Variants in IL22RA2 observed in about 807,000 individuals in gnomAD.
IL22RA2 encodes interleukin 22 receptor subunit alpha 2, also known as interleukin-22 receptor subunit alpha-2.
IL22RA2 carries 39 observed loss-of-function variants against 30.7 expected under a neutral mutation model. That is an observed-to-expected ratio of 1.27 (90% CI 0.98 to 1.66). The LOEUF is 1.66. Among genes scored for constraint, IL22RA2 ranks in the 40% most tolerant of loss-of-function variants. The probability of loss-of-function intolerance (pLI) is 0.00; values close to 1 mark genes in which losing one functional copy is unlikely to be tolerated. For missense variants in IL22RA2, 315 were observed against 312.7 expected (o/e 1.01, Z -0.05); for synonymous variants, 103 against 105.0 (o/e 0.98, Z 0.11).
At chr6:137,161,918 G>A (rs943360984) in intron 1 of IL22RA2, 104 bp from the exon 2 acceptor site, 1 of 465,126 alleles carries the variant, frequency 2.1e-6, no homozygotes, top group Non-Finnish European at 3.9e-6. Flanking sequence ...TTTTATTTTA[G>A]GAAAAATATG....
chr6:137,152,869 T>C (rs1411146324), intron 5 of IL22RA2, among the ~76,000 whole-genome samples: 1 of 152,076 alleles, frequency 6.6e-6, no homozygotes, highest in African/African-American at 2.4e-5. Flanking sequence ...CTTACCAAAG[T>C]TGGTCTGACC....
chr6:137,146,484 C>T (rs1468113762), intron 6 of IL22RA2, among the ~76,000 whole-genome samples: 1 of 152,176 alleles, frequency 6.6e-6, no homozygotes, highest in Non-Finnish European at 1.5e-5. Context: ...CCTTCCCAGT[C>T]ACCACTAAGG....
intron 3 of IL22RA2, 50 bp downstream of exon 3, chr6:137,158,297 T>C (rs1778450783): frequency 4.4e-6 from 7 of 1,606,804 alleles, no homozygotes; most frequent in Admixed American, 1.7e-5. Flanking sequence ...TTCTAGAACA[T>C]GTTATCCCAG....
At chr6:137,165,658 A>G (rs1292250465) in intron 1 of IL22RA2, among the ~76,000 whole-genome samples, 3 of 152,202 alleles carry the variant, frequency 2.0e-5, no homozygotes, top group Non-Finnish European at 4.4e-5. Context: ...ATGCAAGCAG[A>G]TGGGACACTA....
chr6:137,167,683 G>A lies in IL22RA2; in HGVS notation c.-66+5730C>T, dbSNP rs1041158855. 9.2e-5 allele frequency among the ~76,000 whole-genome samples: 14 copies of A among 152,234 alleles called. No homozygotes were observed. In the East Asian group the frequency reaches 9.6e-4, roughly 10 times the overall value. On this transcript the variant is annotated intron_variant, in intron 1 of 6. Transcript: ENST00000296980. ...ATCATACCTTGGGTTCATCATAGCCGGCTGAAACCAGAAGCAGCCACCACC... is the reference window on the plus strand; with the variant it reads ...ATCATACCTTGGGTTCATCATAGCCAGCTGAAACCAGAAGCAGCCACCACC...
At chr6:137,164,377 T>A (rs9494679) in intron 1 of IL22RA2, among the ~76,000 whole-genome samples, 4 of 151,978 alleles carry the variant, frequency 2.6e-5, no homozygotes, top group African/African-American at 9.7e-5. Context: ...ATTCAGACCC[T>A]CCCTAAGTGG....
At chr6:137,172,673 A>G (rs1295270027) in intron 1 of IL22RA2, among the ~76,000 whole-genome samples, 1 of 152,198 alleles carries the variant, frequency 6.6e-6, no homozygotes, top group Non-Finnish European at 1.5e-5. Context: ...CAGCAGGGAG[A>G]GTCCACCTTG....
At chr6:137,155,835 A>C (rs1469963638) in intron 4 of IL22RA2, among the ~76,000 whole-genome samples, 10 of 151,994 alleles carry the variant, frequency 6.6e-5, no homozygotes, top group Non-Finnish European at 1.5e-4. Flanking sequence ...TACTTGGCAA[A>C]ATGTTCTTTC....
intron 5 of IL22RA2, among the ~76,000 whole-genome samples, chr6:137,152,470 T>C (rs1034081887): frequency 5.9e-5 from 9 of 152,086 alleles, no homozygotes; most frequent in Non-Finnish European, 1.3e-4. Context: ...GTCAAAAAAA[T>C]CATGTATTAT....
intron 4 of IL22RA2, 50 bp from the exon 5 acceptor site, chr6:137,155,169 A>T: frequency 1.5e-6 from 2 of 1,362,898 alleles, no homozygotes; most frequent in Non-Finnish European, 9.9e-7. Context: ...CCACTCAAGG[A>T]GTCTTCAGTA....
At position 137,144,687 on chromosome 6, in the gene IL22RA2, G is replaced by C. The variant is rs1778137217; in HGVS notation, c.*937C>G. The C allele has an allele frequency of 1.3e-5, 2 of 152,182 alleles. No homozygotes were observed. The highest frequency in any genetic ancestry group is 6.5e-5 in the Admixed American group (1 of 15,280). The allele number at this position is 152,182 out of a possible 1,614,324, so 9.4% of individuals were successfully genotyped here. ...AGCTTCAAGCTGAGTTCTCTGTATG[G>C]GGTCGACCCCAGCAGTTCCCAATAA... On this transcript the variant is annotated 3_prime_UTR_variant, in exon 7 of 7. Coordinates refer to ENST00000296980, the MANE Select transcript of IL22RA2 (RefSeq NM_052962.3).
chr6:137,153,070 T>A (rs1160190585), intron 5 of IL22RA2, among the ~76,000 whole-genome samples: 1 of 152,174 alleles, frequency 6.6e-6, no homozygotes, highest in Non-Finnish European at 1.5e-5. Context: ...TTACAGATTT[T>A]GTTTATAGAT....
intron 1 of IL22RA2, among the ~76,000 whole-genome samples, chr6:137,165,972 A>C (rs1214556322): frequency 6.6e-6 from 1 of 152,204 alleles, no homozygotes. Flanking sequence ...AATACTCTAA[A>C]TCCGGCCACA....
chr6:137,146,376 G>A (rs1026863788), intron 6 of IL22RA2, among the ~76,000 whole-genome samples: 1 of 152,094 alleles, frequency 6.6e-6, no homozygotes, highest in African/African-American at 2.4e-5. Context: ...GATGTGCAGC[G>A]AGATGAGCAG....
chr6:137,161,368 G>C (rs988231730), intron 2 of IL22RA2, among the ~76,000 whole-genome samples: 1 of 151,976 alleles, frequency 6.6e-6, no homozygotes, highest in Non-Finnish European at 1.5e-5. Context: ...GTGAGTGAGA[G>C]CCAGAGAGAA....
chr6:137,159,547 T>A (rs746133339), intron 2 of IL22RA2, among the ~76,000 whole-genome samples: 1 of 152,174 alleles, frequency 6.6e-6, no homozygotes, highest in Non-Finnish European at 1.5e-5. Context: ...GGTCTCGAAC[T>A]CCTGACCTCA....
At chr6:137,164,446 C>A (rs142130672) in intron 1 of IL22RA2, among the ~76,000 whole-genome samples, 160 of 152,276 alleles carry the variant, frequency 1.1e-3, no homozygotes, top group African/African-American at 3.7e-3. Context: ...AAACCAGGAA[C>A]AATAGAAAGA....
intron 1 of IL22RA2, among the ~76,000 whole-genome samples, chr6:137,165,009 A>G (rs992340516): frequency 6.6e-6 from 1 of 152,224 alleles, no homozygotes; most frequent in African/African-American, 2.4e-5. Context: ...CCGTAGAGTT[A>G]TACAAGCTGC....
At chr6:137,149,960 T>C (rs1778256638) in intron 5 of IL22RA2, among the ~76,000 whole-genome samples, 1 of 152,234 alleles carries the variant, frequency 6.6e-6, no homozygotes, top group African/African-American at 2.4e-5. Context: ...ATTACAGGCA[T>C]GGAGCCAACA....
Sources: allele counts gnomAD v4.1 joint callset (sites outside exome capture counted in the v4.1 genomes callset), GRCh38; gene constraint gnomAD v4.1.1; transcripts MANE v1.5; gene names NCBI Gene and HGNC (gene_info 2026-07-23, HGNC 2026-07-21).